SLC5A10: variants seen among roughly 807,000 people sequenced by gnomAD.
SLC5A10 encodes solute carrier family 5 member 10.
A neutral mutation model predicts 68.9 loss-of-function variants in SLC5A10; 55 were observed. The observed-to-expected ratio is 0.80, with a 90% CI of 0.64 to 1.00. The LOEUF (loss-of-function observed/expected upper bound fraction) is 1.00. Among genes scored for constraint, SLC5A10 ranks in the 50% least tolerant of loss-of-function variants. The probability of loss-of-function intolerance (pLI) is 0.00; values close to 1 mark genes in which losing one functional copy is unlikely to be tolerated. For missense variants in SLC5A10, 732 were observed against 819.3 expected (o/e 0.89, Z 1.30); for synonymous variants, 344 against 344.8 (o/e 1.00, Z 0.02).
intron 9 of SLC5A10, among the ~76,000 whole-genome samples, chr17:18,980,312 C>T (rs1041787904): frequency 2.0e-5 from 3 of 152,164 alleles, no homozygotes; most frequent in Non-Finnish European, 4.4e-5. Context: ...CAGGCCAGGT[C>T]CTGTAAATGG....
At chr17:19,015,913 A>G (rs1597914904) in intron 11 of SLC5A10, among the ~76,000 whole-genome samples, 1 of 152,208 alleles carries the variant, frequency 6.6e-6, no homozygotes, top group East Asian at 1.9e-4. Flanking sequence ...GGTTACATGA[A>G]TAAGTTCTTT....
intron 1 of SLC5A10, among the ~76,000 whole-genome samples, chr17:18,955,095 A>AC (rs2042469661): frequency 6.7e-6 from 1 of 148,502 alleles, no homozygotes; most frequent in African/African-American, 2.5e-5. Flanking sequence ...CAAAAAAAAA[A>AC]AAAAAAAAAA....
intron 9 of SLC5A10, chr17:18,977,492 G>A: frequency 7.9e-7 from 1 of 1,268,992 alleles, no homozygotes; most frequent in Non-Finnish European, 1.1e-6. Context: ...TCAGAGTCAG[G>A]GACATGGTAG....
At chr17:18,962,658 C>T (rs1201131062) in intron 5 of SLC5A10, among the ~76,000 whole-genome samples, 1 of 151,838 alleles carries the variant, frequency 6.6e-6, no homozygotes, top group Admixed American at 6.6e-5. Flanking sequence ...GTTTAGGAGC[C>T]GGGGTGGTGT....
chr17:18,987,023 C>T (rs1022374136), intron 9 of SLC5A10, among the ~76,000 whole-genome samples: 5 of 152,212 alleles, frequency 3.3e-5, no homozygotes, highest in Admixed American at 6.5e-5. Flanking sequence ...AGAGACTCAC[C>T]ACGGAGTGCT....
Position 19,017,701 on chromosome 17 carries a change from G to C in SLC5A10, c.1242-1722G>C. 2 of 326,536 alleles carry C rather than the reference G, an allele frequency of 6.1e-6. No individual in the cohort carries two copies. Among genetic ancestry groups the C allele is most frequent in the Admixed American group, 4.4e-5 (1 of 22,842 alleles). The allele number at this position is 326,536 out of a possible 1,614,324, so 20.2% of individuals were successfully genotyped here. On this transcript the variant is annotated intron_variant, in intron 11 of 14. Transcript: ENST00000395645. The surrounding 1 kb of genome is among the most constrained non-coding windows in gnomAD (Gnocchi z 5.6). The stretch of plus-strand genomic sequence containing the variant: ...GTTCCCGGCTGTTCAGTCCGTAAAT[G>C]GGGCCCACAGCCTCCTGGAAACCCT...
At chr17:18,988,354 C>A in intron 9 of SLC5A10, 3 of 1,614,234 alleles carry the variant, frequency 1.9e-6, no homozygotes, top group Non-Finnish European at 2.5e-6. Context: ...TTGAAGCCGG[C>A]GTCCAGCAGG....
Position 18,959,592 on chromosome 17 carries a change from C to T in SLC5A10, c.289-12C>T, listed in dbSNP as rs367615715. The T allele has an allele frequency of 7.4e-6, 12 of 1,613,656 alleles. No individual in the cohort carries two copies. The highest frequency in any genetic ancestry group is 1.0e-5 in the Non-Finnish European group (12 of 1,179,934). On this transcript the variant is annotated splice_polypyrimidine_tract_variant and intron_variant, in intron 3 of 14. Coordinates refer to ENST00000395645, the MANE Select transcript of SLC5A10 (RefSeq NM_001042450.4). ...CTGCACCTGCAGTCCTCACCTGTCT[C>T]TGTCCCCATAGGCCACGTACGTGCT...
Position 19,015,215 on chromosome 17 carries a change from C to T in SLC5A10, c.1241+16C>T. 1 of 1,299,138 alleles carries T rather than the reference C, an allele frequency of 7.7e-7. No homozygotes were observed. Among genetic ancestry groups the T allele is most frequent in the Non-Finnish European group, 1.1e-6 (1 of 947,504 alleles). 80.5% of individuals were successfully genotyped at this position (1,299,138 alleles called of 1,614,324 possible). On this transcript the variant is annotated intron_variant, in intron 11 of 14. Coordinates refer to ENST00000395645, the MANE Select transcript of SLC5A10 (RefSeq NM_001042450.4). Reference sequence around the variant, plus strand: ...TGGTGGGACGGTACGGGGGTGGGGGCCAGTACGGGGGTGGGGGAACACTAC... The same window carrying T: ...TGGTGGGACGGTACGGGGGTGGGGGTCAGTACGGGGGTGGGGGAACACTAC...
Position 18,971,061 on chromosome 17 carries a change from A to C in SLC5A10, c.689A>C (p.Gln230Pro), listed in dbSNP as rs1262010373. The C allele has an allele frequency of 6.2e-7, 1 of 1,614,060 alleles. No individual in the cohort carries two copies. Among genetic ancestry groups the C allele is most frequent in the Non-Finnish European group, 8.5e-7 (1 of 1,180,024 alleles). The change falls in exon 8 of 15, where the codon CAG becomes CCG. Residue 230 changes from glutamine (Q) to proline (P), a missense_variant. By Grantham distance (76) the Gln-to-Pro change is moderately conservative. Transcript: ENST00000395645. This position sits in a 1 kb window ranked among gnomAD's most constrained non-coding sequence, Gnocchi z 5.5. ...GYGQLEAAYA[Q>P]AIPSRTIANT... ...GGGCAGCTGGAGGCAGCCTACGCCCAGGCCATTCCCTCCAGGACCATTGCC... is the reference window on the plus strand; with the variant it reads ...GGGCAGCTGGAGGCAGCCTACGCCCCGGCCATTCCCTCCAGGACCATTGCC...
chr17:18,970,967 G>A, intron 7 of SLC5A10, 46 bp from the exon 8 acceptor site: 1 of 1,587,074 alleles, frequency 6.3e-7, no homozygotes, highest in South Asian at 1.1e-5. Flanking sequence ...GGGAGTCAGG[G>A]CCCCGCAACC....
rs1351619313 is a variant in SLC5A10, at chr17:19,015,087, C to T, written c.1129C>T (p.Leu377Phe). 5.6e-6 allele frequency: 9 copies of T among 1,613,904 alleles called. No individual in the cohort carries two copies. Among genetic ancestry groups the T allele is most frequent in the Non-Finnish European group, 6.8e-6 (8 of 1,179,864 alleles). Residue 377 changes from leucine to phenylalanine, a missense_variant, in exon 11 of 15, where the codon CTC (leucine) becomes TTC (phenylalanine). Physicochemically the swap from Leu to Phe is conservative, Grantham distance 22. Coordinates refer to ENST00000395645, the MANE Select transcript of SLC5A10 (RefSeq NM_001042450.4). ...GLMIAVMLAA[L>F]MSSLTSIFNS... Reference sequence around the variant, plus strand: ...GATGATCGCAGTGATGCTGGCGGCGCTCATGTCGTCGCTGACCTCCATCTT... The same window carrying T: ...GATGATCGCAGTGATGCTGGCGGCGTTCATGTCGTCGCTGACCTCCATCTT...
intron 9 of SLC5A10, among the ~76,000 whole-genome samples, chr17:18,987,200 G>T (rs146592505): frequency 3.4e-4 from 52 of 152,310 alleles, no homozygotes; most frequent in African/African-American, 1.2e-3. Context: ...ATTTTGACCT[G>T]TCAGACACTG....
chr17:18,959,634 G>T lies in SLC5A10; in HGVS notation c.319G>T (p.Val107Leu), dbSNP rs373118757. The T allele has an allele frequency of 8.7e-6, 14 of 1,614,042 alleles. No homozygotes were observed. Among genetic ancestry groups the T allele is most frequent in the Non-Finnish European group, 1.0e-5 (12 of 1,180,010 alleles). ...ATYVLLALAW[V>L]FVPIYISSEI... ...GTACGTGCTGCTGGCACTGGCATGG[G>T]TGTTCGTGCCCATCTACATCTCCTC... Residue 107 changes from valine (V) to leucine (L), a missense_variant, in exon 4 of 15, where the codon GTG becomes TTG. Transcript: ENST00000395645.
intron 9 of SLC5A10, chr17:18,977,956 C>T: frequency 1.3e-6 from 2 of 1,599,574 alleles, no homozygotes; most frequent in Admixed American, 1.7e-5. Context: ...TGGGGAGCCC[C>T]ACCCCGAGGC....
At chr17:18,995,308 G>A (rs537028613) in intron 9 of SLC5A10, among the ~76,000 whole-genome samples, 4 of 152,198 alleles carry the variant, frequency 2.6e-5, no homozygotes, top group African/African-American at 7.2e-5. Flanking sequence ...CCAACAAATC[G>A]AAATTCAAGA....
At chr17:18,987,162 C>T (rs996819911) in intron 9 of SLC5A10, among the ~76,000 whole-genome samples, 3 of 152,230 alleles carry the variant, frequency 2.0e-5, no homozygotes, top group African/African-American at 4.8e-5. Context: ...GCCCCTTCTC[C>T]TAGGACCACA....
At chr17:18,960,331 C>A (rs1267291931) in intron 4 of SLC5A10, among the ~76,000 whole-genome samples, 1 of 152,234 alleles carries the variant, frequency 6.6e-6, no homozygotes, top group African/African-American at 2.4e-5. Context: ...TCTCAGCCTG[C>A]CACTCCCCTG....
rs967098091 is a variant in SLC5A10 at position 18,955,143 on chromosome 17, G to T, written c.111+2827G>T. On this transcript the variant is annotated intron_variant, in intron 1 of 14. Transcript: ENST00000395645. ...GGAAATGTAATTGTGTCCAGCAATAGAAAGGGCTTCAGGTGCAGTATGATC... is the reference window on the plus strand; with the variant it reads ...GGAAATGTAATTGTGTCCAGCAATATAAAGGGCTTCAGGTGCAGTATGATC... Among the ~76,000 whole-genome samples, 3 of 147,328 alleles carry T rather than the reference G, an allele frequency of 2.0e-5. No homozygotes were observed. The South Asian group carries it at 6.8e-4, about 33-fold the overall frequency.
Sources: gnomAD v4.1 joint callset for allele counts (sites outside exome capture counted in the v4.1 genomes callset) on GRCh38, gnomAD v4.1.1 for gene constraint, Gnocchi (gnomAD v3.1) non-coding constraint, MANE v1.5 for transcripts, NCBI Gene and HGNC (gene_info 2026-07-23, HGNC 2026-07-21) for gene names.